Variants in C12orf43 observed in about 807,000 individuals in gnomAD.
The protein encoded by C12orf43 is protein CUSTOS.
C12orf43 carries 15 observed loss-of-function variants against 20.6 expected under a neutral mutation model. The observed-to-expected ratio is 0.73, with a 90% CI of 0.49 to 1.12. The LOEUF is 1.12. C12orf43 is among the 50% of genes most tolerant of loss of function. The pLI, the probability that C12orf43 is intolerant of heterozygous loss-of-function variation, is 0.00. For synonymous variants in C12orf43, 144 were observed against 130.8 expected, an observed-to-expected ratio of 1.10 and a Z score of -0.69; for missense variants, 334 against 344.4, an observed-to-expected ratio of 0.97 and a Z score of 0.24.
In C12orf43 at chr12:121,002,258, A is replaced by T. The variant is rs899927940; in HGVS notation, c.*1895T>A. On this transcript the variant is annotated 3_prime_UTR_variant, in exon 6 of 6. Coordinates refer to ENST00000288757, the MANE Select transcript of C12orf43 (RefSeq NM_022895.3). ...CCTGGGGGCCTGGCTGGCTGAGGGC[A>T]GTTCGCAGCCACCCTGAGGAGTCTG... 2.3e-6 allele frequency: 1 copy of T among 440,736 alleles called. No homozygotes were observed. Among genetic ancestry groups the T allele is most frequent in the Non-Finnish European group, 4.3e-6 (1 of 231,340 alleles). 27.3% of individuals were successfully genotyped at this position (440,736 alleles called of 1,614,324 possible).
chr12:121,002,093 A>T lies in C12orf43; in HGVS notation c.*2060T>A, dbSNP rs1565889716. The T allele has an allele frequency of 3.7e-6, 2 of 534,868 alleles. No individual in the cohort carries two copies. The highest frequency in any genetic ancestry group is 7.2e-6 in the Non-Finnish European group (2 of 275,884). 33.1% of individuals were successfully genotyped at this position (534,868 alleles called of 1,614,324 possible). ...AGACCCTGCCCTTGTTTGGGGCAGGAGTAGCTGAGCTCACAAGGCAGCAAG... is the reference window on the plus strand; with the variant it reads ...AGACCCTGCCCTTGTTTGGGGCAGGTGTAGCTGAGCTCACAAGGCAGCAAG... On this transcript the variant is annotated 3_prime_UTR_variant, in exon 6 of 6. Coordinates refer to ENST00000288757, the MANE Select transcript of C12orf43 (RefSeq NM_022895.3).
rs145907582 is a variant in C12orf43, at chr12:121,016,465, G to A, written c.10C>T (p.Pro4Ser). 7.4e-6 allele frequency: 12 copies of A among 1,613,930 alleles called. No individual in the cohort carries two copies. In the African/African-American group the frequency reaches 1.5e-4, roughly 20 times the overall value. ...TCCGAATCGCTCACTGTGCCACTGG[G>A]CGCCGCCATCTTGAACCACCGCAAA... MAA[P>S]SGTVSDSESS... is the part of the protein sequence containing the mutation. Residue 4 changes from proline (P) to serine (S), a missense_variant, in exon 1 of 6, where the codon CCC becomes TCC. Transcript: ENST00000288757.
At position 121,005,201 on chromosome 12, in the gene C12orf43, C is replaced by A. The variant is rs941440125; in HGVS notation, c.362-108G>T. On this transcript the variant is annotated intron_variant, in intron 4 of 5. Transcript: ENST00000288757. This position sits in a 1 kb window ranked among gnomAD's most constrained non-coding sequence, Gnocchi z 5.6. Reference sequence around the variant, plus strand: ...AAGAAAAAAATTTTAAAAAGGAAAACGAAAGAAAGAAAAGATAAAGAGAAA... The same window carrying A: ...AAGAAAAAAATTTTAAAAAGGAAAAAGAAAGAAAGAAAAGATAAAGAGAAA... 2 of 584,770 alleles carry A rather than the reference C, an allele frequency of 3.4e-6. No homozygotes were observed. The highest frequency in any genetic ancestry group is 2.5e-6 in the Non-Finnish European group (1 of 396,124). The allele number at this position is 584,770 out of a possible 1,614,324, so 36.2% of individuals were successfully genotyped here.
At position 121,004,940 on chromosome 12, in the gene C12orf43, G is replaced by C. The variant is rs1877859927; in HGVS notation, c.452+63C>G. The C allele has an allele frequency of 2.4e-6, 3 of 1,253,554 alleles. No individual in the cohort carries two copies. In the Admixed American group the frequency reaches 9.8e-5, roughly 41 times the overall value. 77.7% of individuals were successfully genotyped at this position (1,253,554 alleles called of 1,614,324 possible). ...CTGGAGTCTGCTTGGCTATTCCAGGGAACCCACCAAGACAGAAGAGGAGAA... is the reference window on the plus strand; with the variant it reads ...CTGGAGTCTGCTTGGCTATTCCAGGCAACCCACCAAGACAGAAGAGGAGAA... On this transcript the variant is annotated intron_variant, in intron 5 of 5. Transcript: ENST00000288757. This position sits in a 1 kb window ranked among gnomAD's most constrained non-coding sequence, Gnocchi z 5.6.
At position 121,004,934 on chromosome 12, in the gene C12orf43, TC is replaced by T; in HGVS notation, c.452+68del. On this transcript the variant is annotated intron_variant, in intron 5 of 5. Coordinates refer to ENST00000288757, the MANE Select transcript of C12orf43 (RefSeq NM_022895.3). The surrounding 1 kb of genome is among the most constrained non-coding windows in gnomAD (Gnocchi z 5.6). The stretch of plus-strand genomic sequence containing the variant: ...TCCTGACTGGAGTCTGCTTGGCTAT[TC>T]CAGGGAACCCACCAAGACAGAAGAG... The T allele has an allele frequency of 8.3e-7, 1 of 1,209,248 alleles. No individual in the cohort carries two copies. Among genetic ancestry groups the T allele is most frequent in the Non-Finnish European group, 1.1e-6 (1 of 903,614 alleles). 74.9% of individuals were successfully genotyped at this position (1,209,248 alleles called of 1,614,324 possible).
chr12:121,001,319 T>A lies in C12orf43; in HGVS notation c.*2834A>T. ...CCCTTCCTGGACAGCTGTGCCTCGC[T>A]CCCCACTCTGCTCTGATGCATCAGA... On this transcript the variant is annotated 3_prime_UTR_variant, in exon 6 of 6. Coordinates refer to ENST00000288757, the MANE Select transcript of C12orf43 (RefSeq NM_022895.3). 8.6e-7 allele frequency: 1 copy of A among 1,167,872 alleles called. No individual in the cohort carries two copies. Among genetic ancestry groups the A allele is most frequent in the Middle Eastern group, 2.0e-4 (1 of 5,086 alleles). The allele number at this position is 1,167,872 out of a possible 1,614,324, so 72.3% of individuals were successfully genotyped here.
At position 121,001,476 on chromosome 12, in the gene C12orf43, T is replaced by C; in HGVS notation, c.*2677A>G. ...ACTGTCGCTGCTTCGTGGGATACAG[T>C]CTTCTTACTTGGAACTGAAGGGGGC... On this transcript the variant is annotated 3_prime_UTR_variant, in exon 6 of 6. Transcript: ENST00000288757. The C allele has an allele frequency of 2.0e-6, 1 of 488,830 alleles. No individual in the cohort carries two copies. Among genetic ancestry groups the C allele is most frequent in the Non-Finnish European group, 3.8e-6 (1 of 264,608 alleles). 30.3% of individuals were successfully genotyped at this position (488,830 alleles called of 1,614,324 possible). A position where few individuals can be genotyped will look rare whatever the true frequency, so the allele number is the denominator to read the frequency against.
intron 4 of C12orf43, 163 bp downstream of exon 4, chr12:121,006,158 T>C: frequency 1.6e-6 from 1 of 611,156 alleles, no homozygotes. Context: ...TGAGGCTGCA[T>C]TGAGCTATAA....
intron 1 of C12orf43, 155 bp downstream of exon 1, chr12:121,016,175 T>C (rs1385395744): frequency 3.4e-5 from 39 of 1,139,874 alleles, no homozygotes; most frequent in Non-Finnish European, 4.7e-5. Flanking sequence ...CTACTGCACC[T>C]GCCCATGCTT....
chr12:121,010,179 G>GT (rs1878336599), intron 3 of C12orf43, among the ~76,000 whole-genome samples: 1 of 152,178 alleles, frequency 6.6e-6, no homozygotes, highest in Admixed American at 6.5e-5. Flanking sequence ...GCAGGTGCCC[G>GT]TTAAGTCCAG....
chr12:121,001,285 C>A lies in C12orf43; in HGVS notation c.*2868G>T. 1.4e-6 allele frequency: 2 copies of A among 1,472,264 alleles called. No homozygotes were observed. The highest frequency in any genetic ancestry group is 1.4e-5 in the African/African-American group (1 of 72,172). The allele number at this position is 1,472,264 out of a possible 1,614,324, so 91.2% of individuals were successfully genotyped here. On this transcript the variant is annotated 3_prime_UTR_variant, in exon 6 of 6. Coordinates refer to ENST00000288757, the MANE Select transcript of C12orf43 (RefSeq NM_022895.3). ...GCCTGGAGGACCTGAGCCTGCCGAG[C>A]AACCGTGGCCCTTCCTGGACAGCTG...
chr12:121,009,371 G>A (rs745742638), intron 3 of C12orf43, among the ~76,000 whole-genome samples: 6 of 152,150 alleles, frequency 3.9e-5, no homozygotes, highest in South Asian at 2.1e-4. Flanking sequence ...CATGAAAATC[G>A]CTTGAACCCA....
At chr12:121,012,506 T>C in intron 1 of C12orf43, 1 of 702,340 alleles carries the variant, frequency 1.4e-6, no homozygotes, top group Admixed American at 2.0e-5. Context: ...CGGAGTCTGC[T>C]GCAGTAATTG....
Position 121,006,413 on chromosome 12 carries a change from GTTGAT to G in C12orf43, c.288-24_288-20del. The stretch of plus-strand genomic sequence containing the variant: ...AATGAAGCTACAGGGAGACGAGACG[GTTGAT>G]TTAAGATGAGATTTTTGGATAACGA... On this transcript the variant is annotated intron_variant, in intron 3 of 5. Coordinates refer to ENST00000288757, the MANE Select transcript of C12orf43 (RefSeq NM_022895.3). 1 of 1,611,070 alleles carries G rather than the reference GTTGAT, an allele frequency of 6.2e-7. No homozygotes were observed. The highest frequency in any genetic ancestry group is 8.5e-7 in the Non-Finnish European group (1 of 1,177,340).
At chr12:121,010,713 A>G (rs937923252) in intron 3 of C12orf43, 115 bp downstream of exon 3, 20 of 629,568 alleles carry the variant, frequency 3.2e-5, no homozygotes, top group Non-Finnish European at 5.1e-5. Context: ...GGGAGATGAC[A>G]TATGCCAGGT....
rs1877608108 is a variant in C12orf43, at chr12:121,002,816, C to T, written c.*1337G>A. 5.9e-6 allele frequency: 1 copy of T among 168,370 alleles called. No homozygotes were observed. Among genetic ancestry groups the T allele is most frequent in the African/African-American group, 2.4e-5 (1 of 41,586 alleles). The allele number at this position is 168,370 out of a possible 1,614,324, so 10.4% of individuals were successfully genotyped here. ...TCCTGGACTAAAGGGATCCTCCCAC[C>T]TCAGCCTCACAAGCAGCCTCACAGG... On this transcript the variant is annotated 3_prime_UTR_variant, in exon 6 of 6. Coordinates refer to ENST00000288757, the MANE Select transcript of C12orf43 (RefSeq NM_022895.3).
At chr12:121,012,287 G>C in intron 1 of C12orf43, 2 of 670,494 alleles carry the variant, frequency 3.0e-6, no homozygotes, top group South Asian at 3.1e-5. Flanking sequence ...TGTGACCAGA[G>C]CCTGCCCAGT....
At chr12:121,011,032 C>A (rs747554465) in intron 2 of C12orf43, 72 bp downstream of exon 2, 1 of 1,594,672 alleles carries the variant, frequency 6.3e-7, no homozygotes, top group Admixed American at 1.7e-5. Flanking sequence ...AGGCGTGAAG[C>A]CTAGCATCTG....
chr12:121,015,024 C>T (rs1236187078), intron 1 of C12orf43, among the ~76,000 whole-genome samples: 1 of 152,002 alleles, frequency 6.6e-6, no homozygotes, highest in Non-Finnish European at 1.5e-5. Context: ...GAAAGACCAA[C>T]CACATATTTG....
Sources: allele counts gnomAD v4.1 joint callset (sites outside exome capture counted in the v4.1 genomes callset), GRCh38; gene constraint gnomAD v4.1.1; non-coding constraint Gnocchi (gnomAD v3.1); transcripts MANE v1.5; gene names NCBI Gene and HGNC (gene_info 2026-07-23, HGNC 2026-07-21).